Variants in MYPN observed in about 807,000 individuals in gnomAD.
The protein encoded by MYPN is myopalladin, also known as sarcomeric protein myopalladin, 145 kDa (MYOP).
A neutral mutation model predicts 129.4 loss-of-function variants in MYPN; 63 were observed. That is an observed-to-expected ratio of 0.49 (90% confidence interval 0.40 to 0.60). MYPN has a LOEUF of 0.60. MYPN is among the 20% of genes least tolerant of loss of function. The pLI is 0.00. For synonymous variants in MYPN, 629 were observed against 600.9 expected (o/e 1.05, Z -0.68); for missense variants, 1,596 against 1,635.4 (o/e 0.98, Z 0.42).
At chr10:68,118,946 A>T (rs1375109930) in intron 1 of MYPN, among the ~76,000 whole-genome samples, 1 of 151,584 alleles carries the variant, frequency 6.6e-6, no homozygotes, top group Non-Finnish European at 1.5e-5. Context: ...AAACCACAAT[A>T]AACAGTAATG....
chr10:68,099,009 T>G (rs1326229692), intron 1 of MYPN, among the ~76,000 whole-genome samples: 1 of 152,238 alleles, frequency 6.6e-6, no homozygotes, highest in East Asian at 1.9e-4. Flanking sequence ...CACAGTTTTC[T>G]TAAGACTTAG....
chr10:68,161,731 C>A lies in MYPN; in HGVS notation c.1462C>A (p.Pro488Thr), dbSNP rs1472569286. The change falls in exon 8 of 20, where the codon CCT becomes ACT. Residue 488 changes from proline (P) to threonine (T), a missense_variant and splice_region_variant. Transcript: ENST00000358913. The part of the protein sequence containing the change: ...SPDFRILQKK[P>T]RSMAEPEEIC... ...TCTTTTACTTTCTTTTCTTTTAGAACCTCGATCCATGGCAGAGCCAGGTAA... is the reference window on the plus strand; with the variant it reads ...TCTTTTACTTTCTTTTCTTTTAGAAACTCGATCCATGGCAGAGCCAGGTAA... 9.3e-6 allele frequency: 15 copies of A among 1,610,790 alleles called. No homozygotes were observed. Among genetic ancestry groups the A allele is most frequent in the South Asian group, 2.2e-5 (2 of 90,730 alleles).
At chr10:68,125,157 A>G (rs2042306465) in intron 2 of MYPN, among the ~76,000 whole-genome samples, 1 of 152,216 alleles carries the variant, frequency 6.6e-6, no homozygotes, top group Non-Finnish European at 1.5e-5. Flanking sequence ...TTAGGAAGAC[A>G]TTCCCCACAA....
intron 13 of MYPN, among the ~76,000 whole-genome samples, chr10:68,192,236 T>G (rs1376291074): frequency 6.6e-6 from 1 of 152,224 alleles, no homozygotes; most frequent in Non-Finnish European, 1.5e-5. Flanking sequence ...GAGTGCTTTT[T>G]CAGTGTCTAT....
At chr10:68,116,373 T>C (rs879459595) in intron 1 of MYPN, among the ~76,000 whole-genome samples, 18 of 152,256 alleles carry the variant, frequency 1.2e-4, no homozygotes, top group African/African-American at 3.9e-4. Flanking sequence ...TCCTCAAAGA[T>C]AGAATTGTTG....
At chr10:68,111,010 G>C (rs1323506967) in intron 1 of MYPN, among the ~76,000 whole-genome samples, 1 of 152,058 alleles carries the variant, frequency 6.6e-6, no homozygotes, top group Admixed American at 6.6e-5. Context: ...AATGCTACTG[G>C]AACTCATAAT....
At chr10:68,164,127 C>T (rs2043019501) in intron 8 of MYPN, among the ~76,000 whole-genome samples, 1 of 152,048 alleles carries the variant, frequency 6.6e-6, no homozygotes, top group Non-Finnish European at 1.5e-5. Context: ...CTGCTGTGAC[C>T]GAATACCTGA....
rs1020584114 is a variant in MYPN, at chr10:68,153,992, C to T, written c.1317+3881C>T. 3.3e-5 allele frequency among the ~76,000 whole-genome samples: 5 copies of T among 151,774 alleles called. No homozygotes were observed. In the East Asian group the frequency reaches 7.7e-4, roughly 23 times the overall value. ...TAACTCCTTCCTCTGCTGGTGACAGCGAAGTACTTATCTTCTTTTAAAGAA... is the reference window on the plus strand; with the variant it reads ...TAACTCCTTCCTCTGCTGGTGACAGTGAAGTACTTATCTTCTTTTAAAGAA... On this transcript the variant is annotated intron_variant, in intron 6 of 19. Transcript: ENST00000358913.
At chr10:68,165,606 A>T in intron 8 of MYPN, 96 bp from the exon 9 acceptor site, 1 of 960,584 alleles carries the variant, frequency 1.0e-6, no homozygotes, top group Non-Finnish European at 1.7e-6. Flanking sequence ...CCAGCTTTTT[A>T]TATTGACTTT....
At chr10:68,138,449 A>C (rs905101924) in intron 2 of MYPN, among the ~76,000 whole-genome samples, 2 of 149,678 alleles carry the variant, frequency 1.3e-5, no homozygotes, top group African/African-American at 2.5e-5. Flanking sequence ...TTTAATTGCA[A>C]GTGTGGTGGT....
chr10:68,199,710 G>T (rs779172446), intron 17 of MYPN, 135 bp downstream of exon 17: 5 of 877,882 alleles, frequency 5.7e-6, no homozygotes, highest in Middle Eastern at 2.4e-4. Context: ...CTGTGGTAGG[G>T]GTGGTATTTC....
chr10:68,199,301 G>C, intron 16 of MYPN, 67 bp from the exon 17 acceptor site: 1 of 1,489,858 alleles, frequency 6.7e-7, no homozygotes, highest in Non-Finnish European at 9.3e-7. Flanking sequence ...CAAGGATAAA[G>C]AATTCAGCCA....
chr10:68,111,794 C>T (rs2042085629), intron 1 of MYPN, among the ~76,000 whole-genome samples: 1 of 152,320 alleles, frequency 6.6e-6, no homozygotes, highest in Non-Finnish European at 1.5e-5. Flanking sequence ...CTCGGAGTCA[C>T]AGTGCACTCC....
intron 4 of MYPN, among the ~76,000 whole-genome samples, chr10:68,148,042 T>A (rs1368029330): frequency 6.6e-6 from 1 of 152,128 alleles, no homozygotes; most frequent in African/African-American, 2.4e-5. Context: ...TCTCAAAAAA[T>A]TACCTTCTGC....
In MYPN at chr10:68,188,998, C is replaced by G. The variant is rs2043466244; in HGVS notation, c.2797C>G (p.Gln933Glu). 1 of 1,613,984 alleles carries G rather than the reference C, an allele frequency of 6.2e-7. No individual in the cohort carries two copies. The highest frequency in any genetic ancestry group is 1.1e-5 in the South Asian group (1 of 91,076). The stretch of plus-strand genomic sequence containing the variant: ...TGTTGATGAATCAGATGATGAAATT[C>G]AACATGATGAGATCCCCACGGGCAA... ...TPVDESDDEI[Q>E]HDEIPTGKCI... Residue 933 changes from glutamine (Q) to glutamate (E), a missense_variant, in exon 13 of 20, where the codon CAA becomes GAA. Gln to Glu is a conservative substitution (Grantham distance 29). Coordinates refer to ENST00000358913, the MANE Select transcript of MYPN (RefSeq NM_032578.4).
chr10:68,169,363 A>T (rs1351935416), intron 10 of MYPN, among the ~76,000 whole-genome samples: 3 of 32,448 alleles, frequency 9.2e-5, no homozygotes, highest in African/African-American at 2.1e-4. Flanking sequence ...GTCTCAAATT[A>T]AAAAAAAAAA....
chr10:68,146,892 G>A (rs1031090001), intron 4 of MYPN, among the ~76,000 whole-genome samples: 2 of 152,116 alleles, frequency 1.3e-5, no homozygotes, highest in African/African-American at 2.4e-5. Context: ...AAGAAATCAG[G>A]TATTCTATTA....
At chr10:68,208,962 G>A (rs958093148) in intron 19 of MYPN, among the ~76,000 whole-genome samples, 1 of 152,200 alleles carries the variant, frequency 6.6e-6, no homozygotes, top group Non-Finnish European at 1.5e-5. Context: ...GCCTTACTGA[G>A]TGTCTGCTCT....
At chr10:68,184,462 C>T (rs570431642) in intron 12 of MYPN, among the ~76,000 whole-genome samples, 3 of 152,088 alleles carry the variant, frequency 2.0e-5, no homozygotes, top group Non-Finnish European at 4.4e-5. Context: ...GAGTTTCACT[C>T]TTGTCCCCTA....
Sources: gnomAD v4.1 joint callset for allele counts (sites outside exome capture counted in the v4.1 genomes callset) on GRCh38, gnomAD v4.1.1 for gene constraint, MANE v1.5 for transcripts, NCBI Gene and HGNC (gene_info 2026-07-23, HGNC 2026-07-21) for gene names.